The following FBXL20 variants were observed in gnomAD, a reference collection of about 807,000 sequenced individuals.
FBXL20 encodes F-box/LRR-repeat protein 20.
A neutral mutation model predicts 64.0 loss-of-function variants in FBXL20; 11 were observed. The ratio of observed to expected loss-of-function variants is 0.17; its 90% confidence interval spans 0.11 to 0.28. The LOEUF is 0.28. FBXL20 is among the 10% of genes least tolerant of loss of function. The pLI, the probability that FBXL20 is intolerant of heterozygous loss-of-function variation, is 1.00. For missense variants in FBXL20, 303 were observed against 526.2 expected (o/e 0.58, Z 4.15); for synonymous variants, 184 against 189.0 (o/e 0.97, Z 0.22).
At chr17:39,327,072 G>C (rs1447842094) in intron 2 of FBXL20, among the ~76,000 whole-genome samples, 1 of 151,972 alleles carries the variant, frequency 6.6e-6, no homozygotes, top group African/African-American at 2.4e-5. Flanking sequence ...TTTTAGTAGA[G>C]ACAACGTTTC....
At chr17:39,298,796 G>T (rs1027188226) in intron 5 of FBXL20, among the ~76,000 whole-genome samples, 194 bp downstream of exon 5, 1 of 151,968 alleles carries the variant, frequency 6.6e-6, no homozygotes, top group South Asian at 2.1e-4. Context: ...GGGAATCTGG[G>T]TTTTTTTCAG....
chr17:39,303,556 C>A, intron 3 of FBXL20, 29 bp downstream of exon 3: 1 of 1,587,300 alleles, frequency 6.3e-7, no homozygotes, highest in Non-Finnish European at 8.6e-7. Flanking sequence ...AAGAAGGGGT[C>A]CCCCTGTAAC....
At chr17:39,379,403 T>C (rs2048001079) in intron 1 of FBXL20, among the ~76,000 whole-genome samples, 1 of 149,108 alleles carries the variant, frequency 6.7e-6, no homozygotes, top group Non-Finnish European at 1.5e-5. Context: ...TTTGGGAGGC[T>C]GAGGCGAGGG....
At chr17:39,313,378 C>A (rs551073280) in intron 2 of FBXL20, among the ~76,000 whole-genome samples, 1 of 151,648 alleles carries the variant, frequency 6.6e-6, no homozygotes, top group African/African-American at 2.4e-5. Flanking sequence ...GAATTACAGG[C>A]GCCTGCCACC....
chr17:39,398,354 T>C (rs2048207851), intron 1 of FBXL20, among the ~76,000 whole-genome samples: 1 of 152,162 alleles, frequency 6.6e-6, no homozygotes, highest in South Asian at 2.1e-4. Context: ...TGGCTCAGTG[T>C]CTGTCATGCA....
chr17:39,401,455 A>T lies in FBXL20; in HGVS notation c.-53T>A. 4 of 1,552,748 alleles carry T rather than the reference A, an allele frequency of 2.6e-6. No individual in the cohort carries two copies. In the South Asian group the frequency reaches 4.7e-5, roughly 18 times the overall value. On this transcript the variant is annotated 5_prime_UTR_variant, in exon 1 of 15. Transcript: ENST00000264658. ...GCGCTGCGGCGAGCGGAGTGCACAG[A>T]CCGGGGGCCCAGGACAGGCCCGGGA...
At chr17:39,276,389 G>A (rs1057104513) in intron 9 of FBXL20, among the ~76,000 whole-genome samples, 1 of 151,600 alleles carries the variant, frequency 6.6e-6, no homozygotes. Context: ...AAGTTATTGA[G>A]GCCGGGCATG....
chr17:39,387,578 C>CTTT (rs567825913), intron 1 of FBXL20, among the ~76,000 whole-genome samples: 4 of 124,520 alleles, frequency 3.2e-5, no homozygotes, highest in East Asian at 2.4e-4. Flanking sequence ...AGCGCCCAAT[C>CTTT]TTTTTTTTTT....
intron 11 of FBXL20, 67 bp from the exon 12 acceptor site, chr17:39,268,938 G>A: frequency 3.0e-6 from 4 of 1,353,326 alleles, no homozygotes; most frequent in Non-Finnish European, 4.2e-6. Flanking sequence ...AACTTTTAAG[G>A]ACAGAAAACT....
At position 39,259,532 on chromosome 17, in the gene FBXL20, G is replaced by C. The variant is rs2046726211; in HGVS notation, c.*1928C>G. 1 of 152,126 alleles carries C rather than the reference G, an allele frequency of 6.6e-6. No individual in the cohort carries two copies. The highest frequency in any genetic ancestry group is 1.5e-5 in the Non-Finnish European group (1 of 68,024). 9.4% of individuals were successfully genotyped at this position (152,126 alleles called of 1,614,324 possible). A position where few individuals can be genotyped will look rare whatever the true frequency, so the allele number is the denominator to read the frequency against. Reference sequence around the variant, plus strand: ...TATCCTCTGATTTTTTGGGAAGACAGAGGGTGCTTCTTCTTGGACTCTTGA... The same window carrying C: ...TATCCTCTGATTTTTTGGGAAGACACAGGGTGCTTCTTCTTGGACTCTTGA... On this transcript the variant is annotated 3_prime_UTR_variant, in exon 15 of 15. Coordinates refer to ENST00000264658, the MANE Select transcript of FBXL20 (RefSeq NM_032875.3).
At chr17:39,342,173 A>G (rs544487040) in intron 2 of FBXL20, among the ~76,000 whole-genome samples, 16 of 152,182 alleles carry the variant, frequency 1.1e-4, no homozygotes, top group African/African-American at 3.9e-4. Flanking sequence ...GTGAAAACAA[A>G]GAACTCTAGA....
At chr17:39,366,303 C>T (rs1288043856) in intron 1 of FBXL20, among the ~76,000 whole-genome samples, 2 of 152,178 alleles carry the variant, frequency 1.3e-5, no homozygotes, top group Non-Finnish European at 2.9e-5. Context: ...TTTCTAGACT[C>T]TTTTCCCTCA....
Position 39,252,857 on chromosome 17 carries a change from C to A in FBXL20, c.*8603G>T, listed in dbSNP as rs1789925010. The A allele has an allele frequency of 1.3e-5, 2 of 151,536 alleles. No individual in the cohort carries two copies. The highest frequency in any genetic ancestry group is 1.3e-4 in the Admixed American group (2 of 15,178). The allele number at this position is 151,536 out of a possible 1,614,324, so 9.4% of individuals were successfully genotyped here. On this transcript the variant is annotated 3_prime_UTR_variant, in exon 15 of 15. Coordinates refer to ENST00000264658, the MANE Select transcript of FBXL20 (RefSeq NM_032875.3). The stretch of plus-strand genomic sequence containing the variant: ...ATTTTATTTATTTTAAATAATCCCC[C>A]TCCCCCCATCCTCAAGCGCCAAAAG...
chr17:39,388,459 C>CA (rs932603359), intron 1 of FBXL20, among the ~76,000 whole-genome samples: 170 of 137,592 alleles, frequency 1.2e-3, no homozygotes, highest in African/African-American at 3.0e-3. Context: ...GAACCTGTCT[C>CA]AAAAAAAAAA....
At chr17:39,364,504 G>A (rs1236445833) in intron 1 of FBXL20, among the ~76,000 whole-genome samples, 1 of 152,192 alleles carries the variant, frequency 6.6e-6, no homozygotes, top group Non-Finnish European at 1.5e-5. Context: ...ATCTACTCAG[G>A]AGGCTGAGGC....
intron 1 of FBXL20, among the ~76,000 whole-genome samples, chr17:39,377,146 C>G (rs1032368567): frequency 6.6e-6 from 1 of 152,138 alleles, no homozygotes; most frequent in Non-Finnish European, 1.5e-5. Flanking sequence ...GATTCTGACC[C>G]TCCCTAAACT....
chr17:39,313,932 G>A (rs1209440405), intron 2 of FBXL20, among the ~76,000 whole-genome samples: 2 of 152,134 alleles, frequency 1.3e-5, no homozygotes, highest in Non-Finnish European at 2.9e-5. Context: ...ACAGTGCCCG[G>A]CCCAAAATTT....
rs1378398884 is a variant in FBXL20 at position 39,401,405 on chromosome 17, G to T, written c.-3C>A. 5 of 1,604,904 alleles carry T rather than the reference G, an allele frequency of 3.1e-6. No homozygotes were observed. In the African/African-American group the frequency reaches 6.7e-5, roughly 22 times the overall value. On this transcript the variant is annotated 5_prime_UTR_variant, in exon 1 of 15. Transcript: ENST00000264658. ...ACTCCGTTCACGTCCCTCCTCATGG[G>T]GCCGGCGGGTGCGGCCCGGGCCGGG... is the stretch of plus-strand genomic sequence containing the variant.
chr17:39,391,412 C>CT (rs2048132589), intron 1 of FBXL20, among the ~76,000 whole-genome samples: 1 of 152,100 alleles, frequency 6.6e-6, no homozygotes, highest in South Asian at 2.1e-4. Flanking sequence ...TCTAATCTCT[C>CT]TCCAGAGAAT....
Sources: allele counts gnomAD v4.1 joint callset (sites outside exome capture counted in the v4.1 genomes callset), GRCh38; gene constraint gnomAD v4.1.1; transcripts MANE v1.5; gene names NCBI Gene and HGNC (gene_info 2026-07-23, HGNC 2026-07-21).